ZC3H13: variants seen among roughly 807,000 people sequenced by gnomAD.
The protein encoded by ZC3H13 is zinc finger CCCH domain-containing protein 13.
Under a neutral mutation model 204.1 loss-of-function variants are expected in ZC3H13, and 64 were observed. That is an observed-to-expected ratio of 0.31 (90% confidence interval 0.26 to 0.39). ZC3H13 has a LOEUF of 0.39. Ranked by LOEUF, ZC3H13 falls within the 10% of genes least tolerant of loss-of-function variation. ZC3H13 has a pLI of 1.00. For missense variants in ZC3H13, 1,833 were observed against 2,082.7 expected, an observed-to-expected ratio of 0.88 and a Z score of 2.33; for synonymous variants, 667 against 693.7, an observed-to-expected ratio of 0.96 and a Z score of 0.60.
chr13:45,988,262 T>C (rs1296827275), intron 9 of ZC3H13, among the ~76,000 whole-genome samples: 1 of 152,106 alleles, frequency 6.6e-6, no homozygotes, highest in Non-Finnish European at 1.5e-5. Context: ...ATTATTATTA[T>C]TGTTATTATT....
In ZC3H13 at chr13:45,969,110, T is replaced by C. The variant is rs372508516; in HGVS notation, c.3434A>G (p.Asn1145Ser). 1.2e-6 allele frequency: 2 copies of C among 1,614,092 alleles called. No homozygotes were observed. The highest frequency in any genetic ancestry group is 1.7e-6 in the Non-Finnish European group (2 of 1,179,998). ...ITISTSATPTNTTNNTFANED... is the reference protein window; with the variant it reads ...ITISTSATPTSTTNNTFANED... ...ATTGGCAAAAGTATTATTGGTGGTA[T>C]TGGTGGGGGTGGCAGAGGTGGAAAT... The change falls in exon 14 of 19, where the codon AAT (asparagine) becomes AGT (serine). Residue 1145 changes from asparagine to serine, a missense_variant. Asn to Ser is a conservative substitution (Grantham distance 46, BLOSUM62 1). Transcript: ENST00000679008.
In ZC3H13 at chr13:45,969,813, T is replaced by C; in HGVS notation, c.2731A>G (p.Lys911Glu). The change falls in exon 14 of 19, where the codon AAG (lysine) becomes GAG (glutamate). Residue 911 changes from lysine to glutamate, a missense_variant. Coordinates refer to ENST00000679008, the MANE Select transcript of ZC3H13 (RefSeq NM_001330564.2). ...SSRRYEEQEL[K>E]EKVSSVDKQR... ...TTATCTACAGAAGAAACTTTCTCCTTGAGTTCCTGTTCTTCGTAGCGCCTT... is the reference window on the plus strand; with the variant it reads ...TTATCTACAGAAGAAACTTTCTCCTCGAGTTCCTGTTCTTCGTAGCGCCTT... The C allele has an allele frequency of 1.2e-6, 2 of 1,613,966 alleles. No homozygotes were observed. The highest frequency in any genetic ancestry group is 1.7e-6 in the Non-Finnish European group (2 of 1,180,032).
At chr13:45,978,189 A>T (rs1283492653) in intron 11 of ZC3H13, among the ~76,000 whole-genome samples, 1 of 152,026 alleles carries the variant, frequency 6.6e-6, no homozygotes, top group Non-Finnish European at 1.5e-5. Flanking sequence ...GAACTTTTAT[A>T]TACAGTAGTA....
intron 1 of ZC3H13, 69 bp downstream of exon 1, chr13:46,052,335 C>T (rs1326253200): frequency 2.5e-6 from 1 of 392,338 alleles, no homozygotes; most frequent in African/African-American, 2.1e-5. Context: ...GGGGGTAACC[C>T]GGGCCTCCGC....
intron 9 of ZC3H13, among the ~76,000 whole-genome samples, chr13:45,987,311 C>A (rs1289145432): frequency 1.3e-5 from 2 of 152,184 alleles, no homozygotes; most frequent in Non-Finnish European, 2.9e-5. Context: ...CACAAGCATT[C>A]CTATGAGACT....
chr13:46,030,001 A>G (rs1332426013), intron 4 of ZC3H13, among the ~76,000 whole-genome samples: 1 of 152,194 alleles, frequency 6.6e-6, no homozygotes, highest in Non-Finnish European at 1.5e-5. Flanking sequence ...ATAAAAAGCT[A>G]GCAAATCAAA....
At chr13:45,975,254 T>C (rs138004737) in intron 12 of ZC3H13, 29 bp downstream of exon 12, 13 of 1,582,334 alleles carry the variant, frequency 8.2e-6, no homozygotes, top group East Asian at 2.3e-5. Context: ...AAATGTAAAA[T>C]GTTATTAATA....
intron 17 of ZC3H13, chr13:45,962,419 A>G (rs753763520): frequency 8.7e-5 from 86 of 985,406 alleles, no homozygotes; most frequent in Non-Finnish European, 1.0e-4. Flanking sequence ...ACAGAAACAA[A>G]TATCTTTAGA....
At chr13:46,015,681 C>T (rs1412560669) in intron 5 of ZC3H13, among the ~76,000 whole-genome samples, 4 of 152,100 alleles carry the variant, frequency 2.6e-5, no homozygotes, top group East Asian at 3.9e-4. Context: ...CCACAGACTT[C>T]GGAGTGGGGC....
At chr13:45,986,464 CA>C (rs992757001) in intron 9 of ZC3H13, among the ~76,000 whole-genome samples, 2 of 151,974 alleles carry the variant, frequency 1.3e-5, no homozygotes, top group African/African-American at 4.8e-5. Flanking sequence ...GCATTTCATA[CA>C]AAAAAATAAA....
chr13:45,989,328 C>G (rs1401798134), intron 8 of ZC3H13, among the ~76,000 whole-genome samples: 1 of 152,134 alleles, frequency 6.6e-6, no homozygotes, highest in African/African-American at 2.4e-5. Context: ...TGCTTTTCTC[C>G]CAGGCTTTGG....
intron 8 of ZC3H13, among the ~76,000 whole-genome samples, chr13:45,996,570 C>G (rs1202262742): frequency 6.6e-6 from 1 of 152,182 alleles, no homozygotes; most frequent in Non-Finnish European, 1.5e-5. Flanking sequence ...TCGTTCCACT[C>G]TACCGCAACC....
intron 10 of ZC3H13, among the ~76,000 whole-genome samples, chr13:45,985,095 G>C (rs533068841): frequency 4.9e-4 from 74 of 152,176 alleles, no homozygotes; most frequent in African/African-American, 1.6e-3. Flanking sequence ...ACTTAGGGGG[G>C]GTCTAGCTCA....
intron 1 of ZC3H13, among the ~76,000 whole-genome samples, chr13:46,048,347 G>A (rs1395641099): frequency 2.0e-5 from 3 of 152,080 alleles, no homozygotes; most frequent in Admixed American, 2.0e-4. Context: ...GGAGGCCGAG[G>A]CGGGCGGATC....
chr13:45,966,012 T>G (rs1056749527), intron 15 of ZC3H13, among the ~76,000 whole-genome samples: 2 of 152,192 alleles, frequency 1.3e-5, no homozygotes, highest in Admixed American at 1.3e-4. Context: ...CTTGCATTGA[T>G]GAACACAATT....
chr13:45,970,820 T>C (rs1040381371), intron 12 of ZC3H13, among the ~76,000 whole-genome samples: 1 of 152,232 alleles, frequency 6.6e-6, no homozygotes, highest in African/African-American at 2.4e-5. Flanking sequence ...TGCATTCTTA[T>C]GATATAAAAA....
At chr13:46,011,319 CTAATA>C (rs946528899) in intron 6 of ZC3H13, 91 bp downstream of exon 6, 14 of 1,149,906 alleles carry the variant, frequency 1.2e-5, no homozygotes, top group African/African-American at 1.6e-5. Context: ...TATCAGTATA[CTAATA>C]TAATTTAAGA....
Position 46,051,134 on chromosome 13 carries a change from T to C in ZC3H13, c.-10+1270A>G, listed in dbSNP as rs1446997744. Reference sequence around the variant, plus strand: ...TTATAAATACTGATGATATTACAATTTTAATAATTTGTAAAGATGTTAAGA... The same window carrying C: ...TTATAAATACTGATGATATTACAATCTTAATAATTTGTAAAGATGTTAAGA... On this transcript the variant is annotated intron_variant, in intron 1 of 18. Coordinates refer to ENST00000679008, the MANE Select transcript of ZC3H13 (RefSeq NM_001330564.2). Among the ~76,000 whole-genome samples, 4 of 152,330 alleles carry C rather than the reference T, an allele frequency of 2.6e-5. No homozygotes were observed. The East Asian group carries it at 7.7e-4, about 29-fold the overall frequency.
rs1169694988 is a variant in ZC3H13 at position 46,003,025 on chromosome 13, C to T, written c.944+114G>A. Reference sequence around the variant, plus strand: ...GGAATTATTAAAATAAATATACACACTATTGTAAACAAAACTAAAAAACCC... The same window carrying T: ...GGAATTATTAAAATAAATATACACATTATTGTAAACAAAACTAAAAAACCC... On this transcript the variant is annotated intron_variant, in intron 8 of 18. Transcript: ENST00000679008. 7.9e-6 allele frequency: 7 copies of T among 885,040 alleles called. No individual in the cohort carries two copies. In the East Asian group the frequency reaches 8.0e-5, roughly 10 times the overall value. 54.8% of individuals were successfully genotyped at this position (885,040 alleles called of 1,614,324 possible).
Sources: gnomAD v4.1 joint callset for allele counts (sites outside exome capture counted in the v4.1 genomes callset) on GRCh38, gnomAD v4.1.1 for gene constraint, MANE v1.5 for transcripts, NCBI Gene and HGNC (gene_info 2026-07-23, HGNC 2026-07-21) for gene names.